RRAGC: variants seen among roughly 807,000 people sequenced by gnomAD.
RRAGC encodes ras-related GTP-binding protein C.
A neutral mutation model predicts 37.1 loss-of-function variants in RRAGC; 8 were observed. The observed-to-expected ratio is 0.22, with a 90% confidence interval of 0.13 to 0.39. RRAGC has a LOEUF of 0.39. Among genes scored for constraint, RRAGC ranks in the 10% least tolerant of loss-of-function variants. The pLI, the probability that RRAGC is intolerant of heterozygous loss-of-function variation, is 1.00. For synonymous variants in RRAGC, 190 were observed against 181.1 expected (o/e 1.05, Z -0.39); for missense variants, 342 against 497.6 (o/e 0.69, Z 2.98).
chr1:38,855,312 ACTGT>A (rs1455631673), intron 3 of RRAGC, among the ~76,000 whole-genome samples: 3 of 152,226 alleles, frequency 2.0e-5, no homozygotes, highest in African/African-American at 2.4e-5. Flanking sequence ...TGAGAAAGAT[ACTGT>A]CTAAGACTCA....
chr1:38,856,610 T>A (rs768406838), intron 2 of RRAGC: 1 of 289,184 alleles, frequency 3.5e-6, no homozygotes, highest in Admixed American at 4.8e-5. Context: ...TTATAAAATA[T>A]GGCAACCAAT....
At chr1:38,844,159 A>T (rs891688591) in intron 6 of RRAGC, among the ~76,000 whole-genome samples, 3 of 152,200 alleles carry the variant, frequency 2.0e-5, no homozygotes, top group African/African-American at 7.2e-5. Context: ...CTTGGACAGG[A>T]GAAACTCGCG....
chr1:38,848,440 A>C (rs1051875166), intron 5 of RRAGC, among the ~76,000 whole-genome samples: 1 of 152,192 alleles, frequency 6.6e-6, no homozygotes, highest in Non-Finnish European at 1.5e-5. Flanking sequence ...TAAAGCTCCT[A>C]ATGTCAAGCC....
intron 5 of RRAGC, chr1:38,848,037 A>C (rs1642049285): frequency 1.3e-5 from 2 of 151,402 alleles, no homozygotes; most frequent in South Asian, 4.2e-4. Context: ...CTATCTCAAA[A>C]AAAAAAAAAA....
chr1:38,852,875 T>C (rs1474193047), intron 3 of RRAGC, among the ~76,000 whole-genome samples: 2 of 151,968 alleles, frequency 1.3e-5, no homozygotes, highest in Non-Finnish European at 2.9e-5. Flanking sequence ...ATAATTCAGG[T>C]TTCTACTAAA....
At chr1:38,843,613 G>C (rs576313723) in intron 6 of RRAGC, among the ~76,000 whole-genome samples, 201 of 151,952 alleles carry the variant, frequency 1.3e-3, no homozygotes, top group African/African-American at 4.5e-3. Context: ...CCAGCTACTC[G>C]GGAGGGTGAG....
At chr1:38,846,637 G>A (rs995041632) in intron 5 of RRAGC, 1 of 152,240 alleles carries the variant, frequency 6.6e-6, no homozygotes, top group Admixed American at 6.5e-5. Flanking sequence ...CAGGGACTAT[G>A]TTGAAATCAA....
chr1:38,859,717 T>G lies in RRAGC; in HGVS notation c.-71A>C, dbSNP rs1642215880. ...CCGAGCCAGGCCGCCGCCTCCCCAGTCCGCCTCCGCCGCCGCCGCCACCAC... is the reference window on the plus strand; with the variant it reads ...CCGAGCCAGGCCGCCGCCTCCCCAGGCCGCCTCCGCCGCCGCCGCCACCAC... On this transcript the variant is annotated 5_prime_UTR_variant, in exon 1 of 7. Transcript: ENST00000373001. 1.7e-6 allele frequency: 2 copies of G among 1,203,322 alleles called. No homozygotes were observed. The highest frequency in any genetic ancestry group is 3.7e-5 in the South Asian group (1 of 27,008). The allele number at this position is 1,203,322 out of a possible 1,614,324, so 74.5% of individuals were successfully genotyped here.
intron 1 of RRAGC, among the ~76,000 whole-genome samples, chr1:38,857,726 G>A (rs1038448664): frequency 1.3e-5 from 2 of 152,218 alleles, no homozygotes; most frequent in East Asian, 1.9e-4. Flanking sequence ...TTAGGCGGCC[G>A]AGGCGGGCGG....
intron 4 of RRAGC, 129 bp from the exon 5 acceptor site, chr1:38,851,886 A>C: frequency 1.4e-6 from 1 of 713,362 alleles, no homozygotes; most frequent in South Asian, 1.9e-5. Flanking sequence ...CCAAAAAACA[A>C]ATAGCACTTG....
chr1:38,849,389 G>A (rs1642068088), intron 5 of RRAGC, among the ~76,000 whole-genome samples: 1 of 152,104 alleles, frequency 6.6e-6, no homozygotes, highest in Non-Finnish European at 1.5e-5. Context: ...TTATGTATAA[G>A]GTATTTTAAA....
At position 38,846,344 on chromosome 1, in the gene RRAGC, T is replaced by C. The variant is rs374760756; in HGVS notation, c.900-257A>G. 125 of 341,926 alleles carry C rather than the reference T, an allele frequency of 3.7e-4. 1 individual carries two copies. Among genetic ancestry groups the C allele is most frequent in the Middle Eastern group, 3.2e-3 (4 of 1,240 alleles). The allele number at this position is 341,926 out of a possible 1,614,324, so 21.2% of individuals were successfully genotyped here. A position where few individuals can be genotyped will look rare whatever the true frequency, so the allele number is the denominator to read the frequency against. On this transcript the variant is annotated intron_variant, in intron 5 of 6. Coordinates refer to ENST00000373001, the MANE Select transcript of RRAGC (RefSeq NM_022157.4). The stretch of plus-strand genomic sequence containing the variant: ...ATTTGGAGAAAAAGGTGCAAACATA[T>C]GTATATCTTAACCAGGGAAATGACA...
At chr1:38,855,266 T>G (rs1472309465) in intron 3 of RRAGC, among the ~76,000 whole-genome samples, 1 of 152,132 alleles carries the variant, frequency 6.6e-6, no homozygotes, top group Non-Finnish European at 1.5e-5. Flanking sequence ...TCAGTCCAGA[T>G]TTGAAAGTGC....
intron 6 of RRAGC, 71 bp downstream of exon 6, chr1:38,845,868 C>G: frequency 7.6e-7 from 1 of 1,320,636 alleles, no homozygotes; most frequent in Non-Finnish European, 1.0e-6. Flanking sequence ...ATTATTTTCA[C>G]TTGTTTTCAA....
intron 1 of RRAGC, among the ~76,000 whole-genome samples, chr1:38,857,916 C>T (rs545365708): frequency 5.2e-4 from 79 of 151,988 alleles, no homozygotes; most frequent in Non-Finnish European, 9.6e-4. Context: ...GTGAAGATCA[C>T]ACCACTGCCC....
At chr1:38,852,066 T>C (rs868231224) in intron 4 of RRAGC, among the ~76,000 whole-genome samples, 1 of 152,258 alleles carries the variant, frequency 6.6e-6, no homozygotes, top group Non-Finnish European at 1.5e-5. Context: ...CAAGCAATGC[T>C]ACATTTTCAA....
intron 1 of RRAGC, among the ~76,000 whole-genome samples, chr1:38,858,809 T>C (rs552320499): frequency 6.6e-6 from 1 of 152,304 alleles, no homozygotes; most frequent in Non-Finnish European, 1.5e-5. Flanking sequence ...CTCAGATTTT[T>C]AAAAACACAC....
intron 5 of RRAGC, among the ~76,000 whole-genome samples, chr1:38,849,724 T>TA (rs1642074179): frequency 6.6e-6 from 1 of 152,158 alleles, no homozygotes; most frequent in Non-Finnish European, 1.5e-5. Context: ...AACATGTATC[T>TA]AACATTGAAA....
At chr1:38,851,971 C>T (rs890357045) in intron 4 of RRAGC, among the ~76,000 whole-genome samples, 3 of 152,156 alleles carry the variant, frequency 2.0e-5, no homozygotes, top group Non-Finnish European at 2.9e-5. Flanking sequence ...ACACAATTTC[C>T]TAAGTCAAAT....
Sources: gnomAD v4.1 joint callset for allele counts (sites outside exome capture counted in the v4.1 genomes callset) on GRCh38, gnomAD v4.1.1 for gene constraint, MANE v1.5 for transcripts, NCBI Gene and HGNC (gene_info 2026-07-23, HGNC 2026-07-21) for gene names.